SNX25: variants seen among roughly 807,000 people sequenced by gnomAD.
SNX25 encodes sorting nexin 25.
In SNX25, 62 loss-of-function variants were observed where a neutral mutation model predicts 113.7. The ratio of observed to expected loss-of-function variants is 0.55; its 90% CI spans 0.44 to 0.67. The LOEUF (loss-of-function observed/expected upper bound fraction) is 0.67, where lower values mean the gene tolerates loss of function less well. SNX25 is among the 30% of genes least tolerant of loss of function. The pLI is 0.00. For missense variants in SNX25, 1,014 were observed against 1,161.0 expected, an observed-to-expected ratio of 0.87 and a Z score of 1.84; for synonymous variants, 421 against 436.2, an observed-to-expected ratio of 0.97 and a Z score of 0.43.
intron 1 of SNX25, among the ~76,000 whole-genome samples, chr4:185,224,450 T>TAA (rs1553984355): frequency 5.4e-5 from 1 of 18,514 alleles, no homozygotes; most frequent in Admixed American, 6.4e-4. Flanking sequence ...TATATAAATA[T>TAA]ATATATAGAT....
At chr4:185,376,841 G>T in the SNX25 span, 1 of 1,104,820 alleles carries the variant, frequency 9.1e-7, no homozygotes, top group Admixed American at 1.9e-5. Flanking sequence ...AACTCTACAT[G>T]AAATTTTTGT....
At chr4:185,224,549 A>AG (rs1560905231) in intron 1 of SNX25, among the ~76,000 whole-genome samples, 4 of 92,256 alleles carry the variant, frequency 4.3e-5, no homozygotes, top group Non-Finnish European at 8.8e-5. Flanking sequence ...ATATATATAC[A>AG]TATATATAAA....
chr4:185,240,878 C>T lies in SNX25; in HGVS notation c.430-6416C>T, dbSNP rs528901614. Among the ~76,000 whole-genome samples the T allele has an allele frequency of 1.9e-4, 29 of 148,850 alleles. No homozygotes were observed. The East Asian group carries it at 5.5e-3, about 28-fold the overall frequency. On this transcript the variant is annotated intron_variant, in intron 1 of 18. Coordinates refer to ENST00000652585, the MANE Select transcript of SNX25 (RefSeq NM_001378034.2). ...GCAGAGACGCTCCTCACATCCCAGA[C>T]GGGGCGGCAGGGCAGAGGCGCTCCC... is the stretch of plus-strand genomic sequence containing the variant.
At chr4:185,234,046 G>T (rs1455602067) in intron 1 of SNX25, among the ~76,000 whole-genome samples, 1 of 151,996 alleles carries the variant, frequency 6.6e-6, no homozygotes, top group Non-Finnish European at 1.5e-5. Context: ...TTTTAGTAGA[G>T]ACGGGGTTTC....
chr4:185,368,590 G>A (rs1299493181), downstream of SNX25, among the ~76,000 whole-genome samples: 1 of 152,120 alleles, frequency 6.6e-6, no homozygotes, highest in Admixed American at 6.5e-5. Context: ...TGCGTCATAT[G>A]ATATCATTCC....
chr4:185,351,653 C>G (rs1021300566), intron 14 of SNX25, 44 bp downstream of exon 14: 1 of 1,593,024 alleles, frequency 6.3e-7, no homozygotes, highest in African/African-American at 1.3e-5. Flanking sequence ...TGTATTTCAG[C>G]AGATACTAAG....
At chr4:185,370,751 C>T (rs753921893), downstream of SNX25, 33 of 1,613,950 alleles carry the variant, frequency 2.0e-5, no homozygotes, top group South Asian at 8.8e-5. Flanking sequence ...CGATGAACTC[C>T]GGGAGACAGT....
In SNX25 at chr4:185,251,621, G is replaced by GTGTGTGTA. The variant is rs1553990978; in HGVS notation, c.514+4250_514+4251insATGTGTGT. Reference sequence around the variant, plus strand: ...TGCGTGTGTGTGTGTGTGTGTGTGTGTGTGTGTGTGTGTGTGCCACATTTT... The same window carrying GTGTGTGTA: ...TGCGTGTGTGTGTGTGTGTGTGTGTGTGTGTGTATGTGTGTGTGTGTGTGCCACATTTT... On this transcript the variant is annotated intron_variant, in intron 2 of 18. Coordinates refer to ENST00000652585, the MANE Select transcript of SNX25 (RefSeq NM_001378034.2). Among the ~76,000 whole-genome samples the GTGTGTGTA allele has an allele frequency of 1.4e-3, 150 of 106,582 alleles. 1 individual carries two copies. The highest frequency in any genetic ancestry group is 2.2e-3 in the Non-Finnish European group (94 of 43,536). 69.9% of individuals were successfully genotyped at this position (106,582 alleles called of 152,430 possible).
At chr4:185,264,355 A>G (rs976000153) in intron 3 of SNX25, 83 bp from the exon 4 acceptor site, 22 of 1,300,456 alleles carry the variant, frequency 1.7e-5, no homozygotes, top group Non-Finnish European at 3.2e-6. Context: ...TGTGTTTCTC[A>G]TTTGAAATAT....
intron 6 of SNX25, among the ~76,000 whole-genome samples, chr4:185,301,054 A>G (rs963773786): frequency 6.6e-6 from 1 of 152,160 alleles, no homozygotes; most frequent in Non-Finnish European, 1.5e-5. Flanking sequence ...ACTATGGGTC[A>G]TAAGACCCTC....
At chr4:185,309,122 T>C (rs1288569) in intron 6 of SNX25, among the ~76,000 whole-genome samples, 64,077 of 151,926 alleles carry the variant, frequency 0.42, 13,779 homozygotes, top group East Asian at 0.56. Flanking sequence ...CGGTGCCTCA[T>C]TGGTGCTGAA....
chr4:185,226,265 G>A, intron 1 of SNX25, among the ~76,000 whole-genome samples: 1 of 152,172 alleles, frequency 6.6e-6, no homozygotes, highest in East Asian at 1.9e-4. Context: ...GTATTACTCT[G>A]TCATCACTGC....
intron 1 of SNX25, among the ~76,000 whole-genome samples, chr4:185,225,434 CT>C (rs1447390138): frequency 6.6e-6 from 1 of 152,184 alleles, no homozygotes; most frequent in Non-Finnish European, 1.5e-5. Context: ...AGTATATTCT[CT>C]CTTCTTAAAG....
At position 185,363,409 on chromosome 4, in the gene SNX25, G is replaced by T; in HGVS notation, c.2959G>T (p.Glu987Ter). The change falls in exon 19 of 19, where the codon GAA becomes TAA. Residue 987 changes from glutamate to a stop codon, truncating the protein, a stop_gained. Transcript: ENST00000652585. LOFTEE classifies it high-confidence loss of function. This position sits in a 1 kb window ranked among gnomAD's most constrained non-coding sequence, Gnocchi z 4.2. ...GGCGCTGATGGAACTGCTGCTAATTGAACTGTGTCCTGAGCTGAGAGTTCA... is the reference window on the plus strand; with the variant it reads ...GGCGCTGATGGAACTGCTGCTAATTTAACTGTGTCCTGAGCTGAGAGTTCA... ...LYALMELLLI[E>*]LCPELRVHLD... 1 of 1,614,052 alleles carries T rather than the reference G, an allele frequency of 6.2e-7. No individual in the cohort carries two copies. Among genetic ancestry groups the T allele is most frequent in the Non-Finnish European group, 8.5e-7 (1 of 1,179,984 alleles).
At chr4:185,231,567 T>C (rs1741871742) in intron 1 of SNX25, among the ~76,000 whole-genome samples, 2 of 151,904 alleles carry the variant, frequency 1.3e-5, no homozygotes, top group African/African-American at 4.8e-5. Flanking sequence ...AAAAATTAGC[T>C]GGGCTTGATG....
rs1737693933 is a variant in SNX25, at chr4:185,210,977, C to T, written c.429+722C>T. Among the ~76,000 whole-genome samples, 1 of 152,168 alleles carries T rather than the reference C, an allele frequency of 6.6e-6. No individual in the cohort carries two copies. The highest frequency in any genetic ancestry group is 1.5e-5 in the Non-Finnish European group (1 of 68,034). On this transcript the variant is annotated intron_variant, in intron 1 of 18. Coordinates refer to ENST00000652585, the MANE Select transcript of SNX25 (RefSeq NM_001378034.2). This position sits in a 1 kb window ranked among gnomAD's most constrained non-coding sequence, Gnocchi z 4.4. ...TTCAGTGCCAAACCCACTGCCCCAT[C>T]TTTCTTCCACATTCCTTCTCATAAT...
At chr4:185,215,222 C>A (rs1187732691) in intron 1 of SNX25, among the ~76,000 whole-genome samples, 1 of 151,824 alleles carries the variant, frequency 6.6e-6, no homozygotes, top group Non-Finnish European at 1.5e-5. Flanking sequence ...GAGCGAGACT[C>A]CGTCTCAAAA....
At chr4:185,229,441 T>C (rs1004172469) in intron 1 of SNX25, among the ~76,000 whole-genome samples, 1 of 152,226 alleles carries the variant, frequency 6.6e-6, no homozygotes, top group Non-Finnish European at 1.5e-5. Flanking sequence ...CCCCATGTTC[T>C]ATGTCTGTTG....
chr4:185,276,805 C>T (rs1749766695), intron 5 of SNX25, among the ~76,000 whole-genome samples: 3 of 152,212 alleles, frequency 2.0e-5, no homozygotes, highest in Admixed American at 1.3e-4. Context: ...CAGGATCCAC[C>T]TGCTGGCTGC....
Sources: gnomAD v4.1 joint callset for allele counts (sites outside exome capture counted in the v4.1 genomes callset) on GRCh38, gnomAD v4.1.1 for gene constraint, Gnocchi (gnomAD v3.1) non-coding constraint, MANE v1.5 for transcripts, NCBI Gene and HGNC (gene_info 2026-07-23, HGNC 2026-07-21) for gene names.